UBR4: variants seen among roughly 807,000 people sequenced by gnomAD.
UBR4 encodes the protein E3 ubiquitin-protein ligase UBR4.
In UBR4, 124 loss-of-function variants were observed where a neutral mutation model predicts 575.6. That is an observed-to-expected ratio of 0.22 (90% CI 0.19 to 0.25). UBR4 has a LOEUF of 0.25. Among genes scored for constraint, UBR4 ranks in the 10% least tolerant of loss-of-function variants. The pLI is 1.00. For missense variants in UBR4, 4,818 were observed against 6,478.8 expected, an observed-to-expected ratio of 0.74 and a Z score of 8.80; for synonymous variants, 2,455 against 2,473.7, an observed-to-expected ratio of 0.99 and a Z score of 0.22.
rs1381010615 is a variant in UBR4 at position 19,146,810 on chromosome 1, C to T, written c.7804+16G>A. ...GAAGCAGATCTCAGGACCACGGCCACAGAGGCCAAGTTCACCTGTTTCCAT... is the reference window on the plus strand; with the variant it reads ...GAAGCAGATCTCAGGACCACGGCCATAGAGGCCAAGTTCACCTGTTTCCAT... On this transcript the variant is annotated intron_variant, in intron 52 of 105. Coordinates refer to ENST00000375254, the MANE Select transcript of UBR4 (RefSeq NM_020765.3). 6.2e-7 allele frequency: 1 copy of T among 1,607,846 alleles called. No homozygotes were observed.
intron 81 of UBR4, among the ~76,000 whole-genome samples, chr1:19,107,985 C>T (rs763222856): frequency 5.9e-5 from 9 of 152,112 alleles, no homozygotes; most frequent in Non-Finnish European, 8.8e-5. Context: ...ATTCTCATAT[C>T]GGTTTCTATA....
intron 69 of UBR4, 120 bp downstream of exon 69, chr1:19,120,060 G>T: frequency 8.3e-7 from 1 of 1,211,412 alleles, no homozygotes; most frequent in Non-Finnish European, 1.2e-6. Context: ...AGCACAAGAG[G>T]ATTCAGGCTG....
chr1:19,122,913 C>T lies in UBR4; in HGVS notation c.9736G>A (p.Glu3246Lys), dbSNP rs769698955. 4 of 1,614,244 alleles carry T rather than the reference C, an allele frequency of 2.5e-6. No homozygotes were observed. Among genetic ancestry groups the T allele is most frequent in the South Asian group, 1.1e-5 (1 of 91,084 alleles). Residue 3246 changes from glutamate to lysine, a missense_variant, in exon 66 of 106, where the codon GAG becomes AAG. Physicochemically the swap from Glu to Lys is moderately conservative, Grantham distance 56. Coordinates refer to ENST00000375254, the MANE Select transcript of UBR4 (RefSeq NM_020765.3). ...CTTGCCCGGAGGAATATCCCCTGCT[C>T]TTCTAGCAGCTTCTTGATCCCACGC... ...HVRGIKKLLE[E>K]QGIFLRASVV...
intron 65 of UBR4, among the ~76,000 whole-genome samples, chr1:19,124,147 C>G (rs961060685): frequency 6.6e-6 from 1 of 152,230 alleles, no homozygotes; most frequent in Non-Finnish European, 1.5e-5. Context: ...CTGCTTCAGG[C>G]AGTTACTATC....
Position 19,084,712 on chromosome 1 carries a change from G to A in UBR4, c.14814-14C>T. ...TAAGTGTTGTGTCTAGAGGGAAGCAGAACAAACAATGAAATGGAAGTGAGT... is the reference window on the plus strand; with the variant it reads ...TAAGTGTTGTGTCTAGAGGGAAGCAAAACAAACAATGAAATGGAAGTGAGT... On this transcript the variant is annotated splice_polypyrimidine_tract_variant and intron_variant, in intron 101 of 105. Transcript: ENST00000375254. The A allele has an allele frequency of 6.3e-7, 1 of 1,581,556 alleles. No individual in the cohort carries two copies. The highest frequency in any genetic ancestry group is 8.6e-7 in the Non-Finnish European group (1 of 1,157,932).
chr1:19,132,881 T>A (rs897293159), intron 60 of UBR4, among the ~76,000 whole-genome samples: 4 of 151,992 alleles, frequency 2.6e-5, no homozygotes, highest in African/African-American at 9.7e-5. Flanking sequence ...AATCAACAAA[T>A]TCCTTGTAAA....
At chr1:19,160,090 T>C in intron 39 of UBR4, 21 bp downstream of exon 39, 1 of 1,598,880 alleles carries the variant, frequency 6.3e-7, no homozygotes, top group Middle Eastern at 1.7e-4. Context: ...CCACCAAACA[T>C]CATGGCCCCA....
intron 67 of UBR4, 41 bp downstream of exon 67, chr1:19,121,889 CTGAA>C: frequency 6.2e-7 from 1 of 1,608,814 alleles, no homozygotes; most frequent in Non-Finnish European, 8.5e-7. Flanking sequence ...TTAACAGTTC[CTGAA>C]TGAATGAATA....
At chr1:19,102,205 A>G (rs1557583797) in intron 87 of UBR4, among the ~76,000 whole-genome samples, 1 of 152,214 alleles carries the variant, frequency 6.6e-6, no homozygotes, top group Non-Finnish European at 1.5e-5. Flanking sequence ...ATCTCTACAA[A>G]AAATACAAAA....
chr1:19,093,834 G>T lies in UBR4; in HGVS notation c.13937+115C>A. ...ACTAGACTGAGCTCCTTAAAAGCCA[G>T]AACGAGGACACAAAAATCTAATAGG... On this transcript the variant is annotated intron_variant, in intron 95 of 105. Transcript: ENST00000375254. This position sits in a 1 kb window ranked among gnomAD's most constrained non-coding sequence, Gnocchi z 4.8. The T allele has an allele frequency of 8.0e-7, 1 of 1,244,158 alleles. No individual in the cohort carries two copies. The highest frequency in any genetic ancestry group is 1.1e-6 in the Non-Finnish European group (1 of 906,786). 77.1% of individuals were successfully genotyped at this position (1,244,158 alleles called of 1,614,324 possible).
chr1:19,149,923 G>C, intron 49 of UBR4: 18 of 562,764 alleles, frequency 3.2e-5, no homozygotes, highest in Non-Finnish European at 4.7e-5. Flanking sequence ...AGGAAGGGAG[G>C]GAGGAGGCTG....
At chr1:19,197,481 T>C (rs1452414351) in intron 7 of UBR4, among the ~76,000 whole-genome samples, 189 bp downstream of exon 7, 1 of 151,966 alleles carries the variant, frequency 6.6e-6, no homozygotes, top group Non-Finnish European at 1.5e-5. Context: ...ATACAAAAAT[T>C]AGCCAGCCAT....
chr1:19,104,549 A>T (rs767339890), intron 86 of UBR4, 36 bp downstream of exon 86: 1 of 1,609,106 alleles, frequency 6.2e-7, no homozygotes, highest in South Asian at 1.1e-5. Flanking sequence ...AAACAGATTC[A>T]GGATGCCCTA....
At chr1:19,195,743 T>C (rs933931778) in intron 8 of UBR4, among the ~76,000 whole-genome samples, 9 of 152,028 alleles carry the variant, frequency 5.9e-5, no homozygotes, top group African/African-American at 1.9e-4. Context: ...TCCTAAGTAG[T>C]TTCCCTGCCT....
rs1352607966 is a variant in UBR4 at position 19,167,151 on chromosome 1, G to C, written c.3980C>G (p.Ala1327Gly). ...LLLESSTESV[A>G]EISSNSLERI... Reference sequence around the variant, plus strand: ...TTCCAGGGAGTTGCTACTGATCTCGGCAACACTCTCAGTGCTTGATTCCAA... The same window carrying C: ...TTCCAGGGAGTTGCTACTGATCTCGCCAACACTCTCAGTGCTTGATTCCAA... The change falls in exon 29 of 106, where the codon GCC becomes GGC. Residue 1327 changes from alanine to glycine, a missense_variant. By Grantham distance (60) the Ala-to-Gly change is moderately conservative. Coordinates refer to ENST00000375254, the MANE Select transcript of UBR4 (RefSeq NM_020765.3). 1 of 1,614,066 alleles carries C rather than the reference G, an allele frequency of 6.2e-7. No individual in the cohort carries two copies. The highest frequency in any genetic ancestry group is 8.5e-7 in the Non-Finnish European group (1 of 1,180,032).
chr1:19,159,438 A>G (rs189017017), intron 39 of UBR4, among the ~76,000 whole-genome samples: 3 of 152,318 alleles, frequency 2.0e-5, no homozygotes, highest in African/African-American at 4.8e-5. Context: ...ACTTTAGAGA[A>G]GATACAATAA....
At chr1:19,136,359 C>G (rs543019907) in intron 60 of UBR4, among the ~76,000 whole-genome samples, 18 of 152,192 alleles carry the variant, frequency 1.2e-4, no homozygotes, top group African/African-American at 4.1e-4. Flanking sequence ...TTAAAACACA[C>G]AAAGGAGTAA....
At chr1:19,096,439 G>T in intron 92 of UBR4, 84 bp downstream of exon 92, 1 of 1,544,374 alleles carries the variant, frequency 6.5e-7, no homozygotes. Context: ...AGGGTAAAAT[G>T]ACACAGTGGC....
rs745319942 is a variant in UBR4, at chr1:19,105,162, C to T, written c.12531G>A (p.Gly4177=). ...GAGCCAGGTACTCAGCTGCACACTC[C>T]CCAGCTATGCTCAGCTCATCCAGGT... ...TSYLDELSIA[G]ECAAEYLALY... is the part of the protein sequence containing the mutation. The change falls in exon 85 of 106, where the codon GGG becomes GGA. Residue 4177 remains glycine, a synonymous_variant. Transcript: ENST00000375254. The T allele has an allele frequency of 3.7e-6, 6 of 1,613,952 alleles. 1 individual carries two copies. The South Asian group carries it at 4.4e-5, about 12-fold the overall frequency.
Sources: gnomAD v4.1 joint callset for allele counts (sites outside exome capture counted in the v4.1 genomes callset) on GRCh38, gnomAD v4.1.1 for gene constraint, Gnocchi (gnomAD v3.1) non-coding constraint, MANE v1.5 for transcripts, NCBI Gene and HGNC (gene_info 2026-07-23, HGNC 2026-07-21) for gene names.